RBFOX1: variants seen among roughly 807,000 people sequenced by gnomAD.
RBFOX1 encodes the protein RNA binding protein fox-1 homolog 1.
RBFOX1 carries 8 observed loss-of-function variants against 57.7 expected under a neutral mutation model. The ratio of observed to expected loss-of-function variants is 0.14; its 90% CI spans 0.08 to 0.25. The LOEUF is 0.25. Ranked by LOEUF, RBFOX1 falls within the 10% of genes least tolerant of loss-of-function variation. The probability of loss-of-function intolerance (pLI) is 1.00; values close to 1 mark genes in which losing one functional copy is unlikely to be tolerated. For synonymous variants in RBFOX1, 326 were observed against 222.4 expected, an observed-to-expected ratio of 1.47 and a Z score of -4.15; for missense variants, 611 against 548.5, an observed-to-expected ratio of 1.11 and a Z score of -1.14.
chr16:7,411,069 C>T (rs2098420082), intron 4 of RBFOX1, among the ~76,000 whole-genome samples: 1 of 152,078 alleles, frequency 6.6e-6, no homozygotes, highest in South Asian at 2.1e-4. Flanking sequence ...CCTCAGCGTA[C>T]CGAGTAGCTG....
intron 1 of RBFOX1, among the ~76,000 whole-genome samples, chr16:6,274,440 C>A (rs867075247): frequency 2.8e-4 from 43 of 152,130 alleles, no homozygotes; most frequent in Admixed American, 8.5e-4. Context: ...AAAATTATGC[C>A]GCATGAAAAA....
chr16:5,492,375 G>A (rs1273416087), intron 2 of RBFOX1, among the ~76,000 whole-genome samples: 3 of 152,148 alleles, frequency 2.0e-5, no homozygotes, highest in South Asian at 4.1e-4. Flanking sequence ...CCCAGCTTAG[G>A]TGTGCCTTCA....
chr16:6,362,527 G>C (rs552774825), intron 2 of RBFOX1, among the ~76,000 whole-genome samples: 1 of 152,278 alleles, frequency 6.6e-6, no homozygotes, highest in South Asian at 2.1e-4. Context: ...TTGTGTGCCA[G>C]GACATATGAA....
rs140736977 is a variant in RBFOX1, at chr16:7,710,338, G to T, written c.1072-285G>T. On this transcript the variant is annotated intron_variant, in intron 15 of 15. Transcript: ENST00000550418. ...GCAGATTATTCTGTTATAAAAAAAT[G>T]AGACAGTGAAAATCCTTCCATTGTC... The T allele has an allele frequency of 4.1e-5, 51 of 1,250,948 alleles. No individual in the cohort carries two copies. The African/African-American group carries it at 5.3e-4, about 13-fold the overall frequency. 77.5% of individuals were successfully genotyped at this position (1,250,948 alleles called of 1,614,324 possible). A position where few individuals can be genotyped will look rare whatever the true frequency, so the allele number is the denominator to read the frequency against.
intron 4 of RBFOX1, among the ~76,000 whole-genome samples, chr16:7,362,441 G>C (rs766055114): frequency 6.6e-6 from 1 of 151,464 alleles, no homozygotes; most frequent in Non-Finnish European, 1.5e-5. Context: ...TGTGTTCTGC[G>C]TGTACGTAGT....
At chr16:7,204,505 G>C (rs1327732764) in intron 4 of RBFOX1, among the ~76,000 whole-genome samples, 2 of 152,120 alleles carry the variant, frequency 1.3e-5, no homozygotes, top group Non-Finnish European at 1.5e-5. Context: ...AATTAGCCAG[G>C]CATGGTGATA....
intron 4 of RBFOX1, among the ~76,000 whole-genome samples, chr16:5,890,018 G>C (rs911990727): frequency 1.5e-4 from 23 of 152,162 alleles, no homozygotes; most frequent in Non-Finnish European, 3.1e-4. Flanking sequence ...GCAGCAAAGT[G>C]GACATGACAC....
At chr16:5,619,821 A>G (rs1360905687) in intron 3 of RBFOX1, among the ~76,000 whole-genome samples, 1 of 152,116 alleles carries the variant, frequency 6.6e-6, no homozygotes, top group Non-Finnish European at 1.5e-5. Flanking sequence ...CCGTGAAGGC[A>G]GTCAGACCTG....
chr16:5,724,714 G>A (rs763918778), intron 3 of RBFOX1, among the ~76,000 whole-genome samples: 36 of 152,162 alleles, frequency 2.4e-4, no homozygotes, highest in African/African-American at 7.5e-4. Context: ...TGGGAAGTAA[G>A]GTAACAGGTG....
At chr16:5,294,739 A>G (rs1383697286) in intron 1 of RBFOX1, among the ~76,000 whole-genome samples, 1 of 152,026 alleles carries the variant, frequency 6.6e-6, no homozygotes, top group Admixed American at 6.6e-5. Context: ...GACATGGCAT[A>G]AAAAAGACAG....
At chr16:6,107,646 C>T (rs1024336739) in intron 1 of RBFOX1, among the ~76,000 whole-genome samples, 12 of 143,110 alleles carry the variant, frequency 8.4e-5, no homozygotes, top group South Asian at 2.3e-4. Context: ...AATTGGTGGA[C>T]GGATGAAAGG....
At chr16:5,937,746 A>T (rs1181466716) in intron 4 of RBFOX1, among the ~76,000 whole-genome samples, 1 of 149,352 alleles carries the variant, frequency 6.7e-6, no homozygotes, top group Non-Finnish European at 1.5e-5. Flanking sequence ...TATAACTATA[A>T]ATATGTACAG....
chr16:6,320,506 A>T (rs1212690594), intron 2 of RBFOX1, among the ~76,000 whole-genome samples: 5 of 151,970 alleles, frequency 3.3e-5, no homozygotes, highest in African/African-American at 1.2e-4. Flanking sequence ...AATAAAATTT[A>T]ATTTTTTTTT....
At chr16:5,992,444 G>A (rs763932243) in intron 4 of RBFOX1, among the ~76,000 whole-genome samples, 2 of 152,124 alleles carry the variant, frequency 1.3e-5, no homozygotes, top group South Asian at 2.1e-4. Context: ...ATGAAAATGC[G>A]TAAGACTGAA....
intron 1 of RBFOX1, among the ~76,000 whole-genome samples, chr16:5,456,809 A>C (rs1259556509): frequency 6.6e-6 from 1 of 152,164 alleles, no homozygotes; most frequent in African/African-American, 2.4e-5. Context: ...TCCCCCTTGG[A>C]ATAACACCTA....
intron 3 of RBFOX1, among the ~76,000 whole-genome samples, chr16:7,008,036 A>G (rs1435441048): frequency 2.6e-5 from 4 of 152,184 alleles, no homozygotes; most frequent in Non-Finnish European, 5.9e-5. Flanking sequence ...CCAACTTAGC[A>G]TTATCTATAT....
chr16:5,855,077 T>G (rs1198739522), intron 3 of RBFOX1, among the ~76,000 whole-genome samples: 1 of 152,206 alleles, frequency 6.6e-6, no homozygotes, highest in African/African-American at 2.4e-5. Flanking sequence ...GTATGTGTGT[T>G]TTTTTCTGCT....
At chr16:6,393,086 T>G (rs2152936690) in intron 2 of RBFOX1, among the ~76,000 whole-genome samples, 1 of 152,350 alleles carries the variant, frequency 6.6e-6, no homozygotes, top group South Asian at 2.1e-4. Flanking sequence ...TACACTTTCC[T>G]TTGAAATTTG....
At chr16:6,570,227 T>C (rs1210917686) in intron 2 of RBFOX1, among the ~76,000 whole-genome samples, 1 of 152,214 alleles carries the variant, frequency 6.6e-6, no homozygotes, top group Non-Finnish European at 1.5e-5. Flanking sequence ...TCAGTTTGTA[T>C]GAATTATACC....
Sources: gnomAD v4.1 joint callset for allele counts (sites outside exome capture counted in the v4.1 genomes callset) on GRCh38, gnomAD v4.1.1 for gene constraint, MANE v1.5 for transcripts, NCBI Gene and HGNC (gene_info 2026-07-23, HGNC 2026-07-21) for gene names.